VPS37D: variants seen among roughly 807,000 people sequenced by gnomAD.
The protein encoded by VPS37D is vacuolar protein sorting-associated protein 37D.
A neutral mutation model predicts 22.0 loss-of-function variants in VPS37D; 5 were observed. That is an observed-to-expected ratio of 0.23 (90% CI 0.12 to 0.48). The LOEUF (loss-of-function observed/expected upper bound fraction) is 0.48. VPS37D is among the 20% of genes least tolerant of loss of function. The pLI is 0.99. For synonymous variants in VPS37D, 174 were observed against 159.3 expected, an observed-to-expected ratio of 1.09 and a Z score of -0.69; for missense variants, 384 against 345.8, an observed-to-expected ratio of 1.11 and a Z score of -0.88.
At chr7:73,669,815 C>T (rs951904174) in intron 2 of VPS37D, among the ~76,000 whole-genome samples, 46 of 152,172 alleles carry the variant, frequency 3.0e-4, no homozygotes, top group African/African-American at 1.1e-3. Context: ...GGGACAAAGC[C>T]TCCCCTGTCT....
chr7:73,671,034 G>A lies in VPS37D; in HGVS notation c.414G>A (p.Leu138=), dbSNP rs1554609602. 6.2e-7 allele frequency: 1 copy of A among 1,612,450 alleles called. No homozygotes were observed. The highest frequency in any genetic ancestry group is 8.5e-7 in the Non-Finnish European group (1 of 1,179,578). Residue 138 remains leucine, a synonymous_variant, in exon 4 of 4, where the codon CTG becomes CTA. Transcript: ENST00000324941. The part of the protein sequence containing the change: ...QEAEEQMEQL[L]LGEQSLEAFL... ...CCCAGGAGCAGATGGAGCAGCTGCT[G>A]CTCGGGGAGCAAAGCCTGGAGGCCT...
intron 2 of VPS37D, 22 bp downstream of exon 2, chr7:73,669,612 C>T: frequency 6.4e-7 from 1 of 1,569,856 alleles, no homozygotes; most frequent in Non-Finnish European, 8.7e-7. Context: ...TCTGGGAGAA[C>T]CCCCTGGGGC....
chr7:73,666,573 C>T (rs1000293803), upstream of VPS37D, among the ~76,000 whole-genome samples: 2 of 151,962 alleles, frequency 1.3e-5, no homozygotes, highest in Non-Finnish European at 2.9e-5. Context: ...GAATTACAGG[C>T]GCCCACCACC....
chr7:73,670,164 G>T, intron 3 of VPS37D, 62 bp downstream of exon 3: 1 of 1,548,232 alleles, frequency 6.5e-7, no homozygotes, highest in Non-Finnish European at 8.7e-7. Flanking sequence ...GCCACCCCCT[G>T]GCTCATTCTT....
chr7:73,671,272 G>T lies in VPS37D; in HGVS notation c.652G>T (p.Asp218Tyr). Reference sequence around the variant, plus strand: ...AGTGCCCCGGAGCCTGCCCCCCTTGGACTCCCGCCCAGTGCCCCCACTGAA... The same window carrying T: ...AGTGCCCCGGAGCCTGCCCCCCTTGTACTCCCGCCCAGTGCCCCCACTGAA... ...PAVPRSLPPL[D>Y]SRPVPPLKGS... The change falls in exon 4 of 4, where the codon GAC (aspartate) becomes TAC (tyrosine). Residue 218 changes from aspartate (D) to tyrosine (Y), a missense_variant. Asp to Tyr is a radical substitution (Grantham distance 160). Coordinates refer to ENST00000324941, the MANE Select transcript of VPS37D (RefSeq NM_001077621.2). The T allele has an allele frequency of 6.8e-7, 1 of 1,476,314 alleles. No individual in the cohort carries two copies. Among genetic ancestry groups the T allele is most frequent in the South Asian group, 1.3e-5 (1 of 74,076 alleles). The allele number at this position is 1,476,314 out of a possible 1,614,324, so 91.5% of individuals were successfully genotyped here.
chr7:73,671,411 G>A lies in VPS37D; in HGVS notation c.*35G>A, dbSNP rs1797512278. The stretch of plus-strand genomic sequence containing the variant: ...TGCGGCCCCCCAGTTGGGGGGCCTA[G>A]ACAAACTTGATGCGTGGCTCCTCCT... On this transcript the variant is annotated 3_prime_UTR_variant, in exon 4 of 4. Transcript: ENST00000324941. 7.7e-7 allele frequency: 1 copy of A among 1,300,876 alleles called. No individual in the cohort carries two copies. Among genetic ancestry groups the A allele is most frequent in the Non-Finnish European group, 9.9e-7 (1 of 1,012,346 alleles). 80.6% of individuals were successfully genotyped at this position (1,300,876 alleles called of 1,614,324 possible). A position where few individuals can be genotyped will look rare whatever the true frequency, so the allele number is the denominator to read the frequency against.
chr7:73,671,417 C>T lies in VPS37D; in HGVS notation c.*41C>T. On this transcript the variant is annotated 3_prime_UTR_variant, in exon 4 of 4. Transcript: ENST00000324941. ...CCCCCAGTTGGGGGGCCTAGACAAA[C>T]TTGATGCGTGGCTCCTCCTCCTCCC... The T allele has an allele frequency of 8.0e-7, 1 of 1,254,680 alleles. No homozygotes were observed. The highest frequency in any genetic ancestry group is 1.0e-6 in the Non-Finnish European group (1 of 974,466). 77.7% of individuals were successfully genotyped at this position (1,254,680 alleles called of 1,614,324 possible). A position where few individuals can be genotyped will look rare whatever the true frequency, so the allele number is the denominator to read the frequency against.
In VPS37D at chr7:73,672,053, CG is replaced by C. The variant is rs1797532588; in HGVS notation, c.*678del. On this transcript the variant is annotated 3_prime_UTR_variant, in exon 4 of 4. Transcript: ENST00000324941. ...TTGAGGGCAGGTCCTTGTCTTTGTA[CG>C]TTCTGTCCCCAGCCCCGCCTCTTAG... 6.6e-6 allele frequency: 1 copy of C among 152,334 alleles called. No homozygotes were observed. Among genetic ancestry groups the C allele is most frequent in the African/African-American group, 2.4e-5 (1 of 41,440 alleles). 9.4% of individuals were successfully genotyped at this position (152,334 alleles called of 1,614,324 possible).
chr7:73,668,306 G>A (rs1349482388), intron 1 of VPS37D, among the ~76,000 whole-genome samples: 1 of 151,986 alleles, frequency 6.6e-6, no homozygotes, highest in Non-Finnish European at 1.5e-5. Context: ...ACCCGAGGGG[G>A]GCGCCTGTGC....
Position 73,669,545 on chromosome 7 carries a change from C to A in VPS37D, c.265C>A (p.Leu89Ile). Residue 89 changes from leucine to isoleucine, a missense_variant, in exon 2 of 4, where the codon CTT becomes ATT. By Grantham distance (5) the Leu-to-Ile change is conservative. Transcript: ENST00000324941. ...RAALAIKYQE[L>I]REVAENCADK... ...TGCCCTGGCCATCAAATACCAGGAG[C>A]TTCGTGAGGTGGCCGAGAACTGCGC... 1 of 1,590,286 alleles carries A rather than the reference C, an allele frequency of 6.3e-7. No homozygotes were observed. Among genetic ancestry groups the A allele is most frequent in the South Asian group, 1.1e-5 (1 of 87,310 alleles).
In VPS37D at chr7:73,671,083, C is replaced by T. The variant is rs782513824; in HGVS notation, c.463C>T (p.Arg155Cys). 27 of 1,611,146 alleles carry T rather than the reference C, an allele frequency of 1.7e-5. No individual in the cohort carries two copies. Among genetic ancestry groups the T allele is most frequent in the South Asian group, 2.2e-5 (2 of 91,016 alleles). Residue 155 changes from arginine to cysteine, a missense_variant, in exon 4 of 4, where the codon CGC (arginine) becomes TGC (cysteine). Coordinates refer to ENST00000324941, the MANE Select transcript of VPS37D (RefSeq NM_001077621.2). ...CTTCCTGCCTGCCTTCCAGCGTGGC[C>T]GCGCCCTGGCCCACCTGAGGCGGAC... Reference protein sequence around the residue: ...EAFLPAFQRGRALAHLRRTQA... With the variant: ...EAFLPAFQRGCALAHLRRTQA...
At chr7:73,667,231 C>T (rs1387357866), upstream of VPS37D, among the ~76,000 whole-genome samples, 2 of 152,132 alleles carry the variant, frequency 1.3e-5, no homozygotes, top group African/African-American at 4.8e-5. Context: ...GCCTCGGCCT[C>T]CCAAAGTGCT....
Position 73,667,922 on chromosome 7 carries a change from C to T in VPS37D, c.-37C>T. 1 of 862,596 alleles carries T rather than the reference C, an allele frequency of 1.2e-6. No individual in the cohort carries two copies. The highest frequency in any genetic ancestry group is 1.4e-6 in the Non-Finnish European group (1 of 712,968). 53.4% of individuals were successfully genotyped at this position (862,596 alleles called of 1,614,324 possible). A position where few individuals can be genotyped will look rare whatever the true frequency, so the allele number is the denominator to read the frequency against. ...CCGGGGCGGAGCGGGCCGAGCGGGC[C>T]GAGCCAGCAGCCGAGCTGGGGGCGC... On this transcript the variant is annotated 5_prime_UTR_variant, in exon 1 of 4. Coordinates refer to ENST00000324941, the MANE Select transcript of VPS37D (RefSeq NM_001077621.2).
upstream of VPS37D, among the ~76,000 whole-genome samples, chr7:73,667,119 C>T (rs1554608792): frequency 6.6e-6 from 1 of 151,862 alleles, no homozygotes; most frequent in East Asian, 1.9e-4. Flanking sequence ...ACTACAGGCG[C>T]CCGCCACCAC....
rs1055244715 is a variant in VPS37D, at chr7:73,669,682, T to C, written c.310+92T>C. The C allele has an allele frequency of 7.4e-5, 89 of 1,210,336 alleles. 1 individual carries two copies. In the Admixed American group the frequency reaches 2.6e-3, roughly 35 times the overall value. The allele number at this position is 1,210,336 out of a possible 1,614,324, so 75.0% of individuals were successfully genotyped here. A position where few individuals can be genotyped will look rare whatever the true frequency, so the allele number is the denominator to read the frequency against. ...TTGGGAAGTGCCAGGCTCTGATGGA[T>C]GGGAGTTGGGCGGACCTGCTCCTGG... On this transcript the variant is annotated intron_variant, in intron 2 of 3. Coordinates refer to ENST00000324941, the MANE Select transcript of VPS37D (RefSeq NM_001077621.2).
chr7:73,671,565 T>C lies in VPS37D; in HGVS notation c.*189T>C, dbSNP rs1382713774. On this transcript the variant is annotated 3_prime_UTR_variant, in exon 4 of 4. Coordinates refer to ENST00000324941, the MANE Select transcript of VPS37D (RefSeq NM_001077621.2). ...GGCCCGAGAGGGGGCTGGGGGTGGG[T>C]GGGCAGGGCTTTATGCCTCTGGCGC... 1.1e-5 allele frequency: 1 copy of C among 94,482 alleles called. No individual in the cohort carries two copies. Among genetic ancestry groups the C allele is most frequent in the Non-Finnish European group, 2.3e-5 (1 of 44,102 alleles). 5.9% of individuals were successfully genotyped at this position (94,482 alleles called of 1,614,324 possible). A position where few individuals can be genotyped will look rare whatever the true frequency, so the allele number is the denominator to read the frequency against.
chr7:73,670,988 A>T, intron 3 of VPS37D, 26 bp from the exon 4 acceptor site: 1 of 1,607,620 alleles, frequency 6.2e-7, no homozygotes, highest in Non-Finnish European at 8.5e-7. Flanking sequence ...TGCCTCTCCC[A>T]AGCCTTCCCT....
upstream of VPS37D, among the ~76,000 whole-genome samples, chr7:73,666,616 C>G (rs557052501): frequency 1.3e-5 from 2 of 151,648 alleles, no homozygotes; most frequent in South Asian, 4.2e-4. Context: ...TCAGGTTGGT[C>G]TCAAACTTCT....
At chr7:73,670,954 G>A (rs1455218413) in intron 3 of VPS37D, 60 bp from the exon 4 acceptor site, 45 of 1,574,030 alleles carry the variant, frequency 2.9e-5, no homozygotes, top group Non-Finnish European at 3.7e-5. Context: ...GAAGGAGTGA[G>A]GACCAGTCCC....
Sources: allele counts gnomAD v4.1 joint callset (sites outside exome capture counted in the v4.1 genomes callset), GRCh38; gene constraint gnomAD v4.1.1; transcripts MANE v1.5; gene names NCBI Gene and HGNC (gene_info 2026-07-23, HGNC 2026-07-21).